The following RINT1 variants were observed in gnomAD, a reference collection of about 807,000 sequenced individuals.
The protein encoded by RINT1 is RAD50 interactor 1.
RINT1 carries 75 observed loss-of-function variants against 97.7 expected under a neutral mutation model. The ratio of observed to expected loss-of-function variants is 0.77; its 90% CI spans 0.64 to 0.93. The LOEUF (loss-of-function observed/expected upper bound fraction) is 0.93. Among genes scored for constraint, RINT1 ranks in the 40% least tolerant of loss-of-function variants. RINT1 has a pLI of 0.00. For synonymous variants in RINT1, 303 were observed against 326.3 expected (o/e 0.93, Z 0.77); for missense variants, 892 against 925.2 (o/e 0.96, Z 0.47).
intron 7 of RINT1, 40 bp from the exon 8 acceptor site, chr7:105,550,015 G>T: frequency 7.9e-7 from 1 of 1,265,512 alleles, no homozygotes; most frequent in African/African-American, 1.5e-5. Flanking sequence ...TTTCTAATTG[G>T]AATGACTTAA....
At chr7:105,557,616 T>C (rs933355174) in intron 11 of RINT1, among the ~76,000 whole-genome samples, 2 of 152,190 alleles carry the variant, frequency 1.3e-5, no homozygotes, top group Admixed American at 1.3e-4. Flanking sequence ...TAATACACTA[T>C]ATAGTACATT....
Position 105,565,259 on chromosome 7 carries a change from AAAAT to A in RINT1, c.1887-17_1887-14del, listed in dbSNP as rs746195338. 6.4e-7 allele frequency: 1 copy of A among 1,557,676 alleles called. No individual in the cohort carries two copies. Among genetic ancestry groups the A allele is most frequent in the Non-Finnish European group, 8.7e-7 (1 of 1,152,864 alleles). On this transcript the variant is annotated splice_polypyrimidine_tract_variant and intron_variant, in intron 12 of 14. Transcript: ENST00000257700. ...AGAAACTGATGAAAATTTTTTGGTA[AAAAT>A]GTGTTTTTTCCAGATGGTTGTCCTT...
intron 6 of RINT1, among the ~76,000 whole-genome samples, chr7:105,548,000 T>C (rs1790750282): frequency 6.6e-6 from 1 of 152,058 alleles, no homozygotes; most frequent in African/African-American, 2.4e-5. Context: ...GTGCTGGGAT[T>C]ACAGGTGAGA....
rs562165920 is a variant in RINT1 at position 105,543,760 on chromosome 7, AT to A, written c.515+1115del. Among the ~76,000 whole-genome samples the A allele has an allele frequency of 1.9e-4, 29 of 152,174 alleles. 1 individual carries two copies. In the South Asian group the frequency reaches 5.8e-3, roughly 30 times the overall value. ...CTTTTTCTTGCATATATTTCCCAAA[AT>A]TTTAAAGAATTTTACATATCAATAT... On this transcript the variant is annotated intron_variant, in intron 4 of 14. Coordinates refer to ENST00000257700, the MANE Select transcript of RINT1 (RefSeq NM_021930.6).
chr7:105,552,328 G>A (rs1562851682), intron 10 of RINT1, among the ~76,000 whole-genome samples: 1 of 152,044 alleles, frequency 6.6e-6, no homozygotes, highest in African/African-American at 2.4e-5. Context: ...AATGGTGATT[G>A]GCCTATATTT....
At chr7:105,554,149 C>G (rs1335512647) in intron 10 of RINT1, among the ~76,000 whole-genome samples, 1 of 151,980 alleles carries the variant, frequency 6.6e-6, no homozygotes, top group African/African-American at 2.4e-5. Context: ...CCACCCGCCT[C>G]AGCCTCCCAA....
intron 9 of RINT1, among the ~76,000 whole-genome samples, chr7:105,551,365 C>T (rs1419960355): frequency 1.3e-5 from 2 of 152,066 alleles, no homozygotes; most frequent in Non-Finnish European, 2.9e-5. Context: ...CTTATCTAGT[C>T]AACATAACTA....
rs753396450 is a variant in RINT1, at chr7:105,563,834, C to G, written c.1773C>G (p.Val591=). The change falls in exon 12 of 15, where the codon GTC becomes GTG. Residue 591 remains valine (V), a synonymous_variant. Transcript: ENST00000257700. ...LGQLASMESS[V]FDDMINLLER... Reference sequence around the variant, plus strand: ...AGCTAGCCTCTATGGAGAGCTCTGTCTTTGATGACATGATTAACCTCTTAG... The same window carrying G: ...AGCTAGCCTCTATGGAGAGCTCTGTGTTTGATGACATGATTAACCTCTTAG... 1 of 1,614,064 alleles carries G rather than the reference C, an allele frequency of 6.2e-7. No individual in the cohort carries two copies. The highest frequency in any genetic ancestry group is 8.5e-7 in the Non-Finnish European group (1 of 1,179,966).
Position 105,565,434 on chromosome 7 carries a change from C to T in RINT1, c.2044C>T (p.Leu682=). 1 of 1,614,078 alleles carries T rather than the reference C, an allele frequency of 6.2e-7. No homozygotes were observed. The highest frequency in any genetic ancestry group is 2.2e-5 in the East Asian group (1 of 44,886). ...KIFWQMLVEK[L]DVYIYQEIIL... ...TTTCTGGCAAATGCTTGTAGAGAAG[C>T]TGGATGTATACATCTACCAAGAAGT... The change falls in exon 13 of 15, where the codon CTG becomes TTG. Residue 682 remains leucine, a synonymous_variant. Coordinates refer to ENST00000257700, the MANE Select transcript of RINT1 (RefSeq NM_021930.6).
At chr7:105,563,082 C>CTGATACGTGTTACAATA (rs527854440) in intron 11 of RINT1, among the ~76,000 whole-genome samples, 1 of 152,040 alleles carries the variant, frequency 6.6e-6, no homozygotes, top group African/African-American at 2.4e-5. Flanking sequence ...AAATGAAGTG[C>CTGATACGTGTTACAATA]TGATACGTGT....
chr7:105,547,402 A>G, intron 6 of RINT1, 69 bp downstream of exon 6: 1 of 1,526,434 alleles, frequency 6.6e-7, no homozygotes, highest in Non-Finnish European at 8.9e-7. Context: ...GCTAGAGAGT[A>G]AAACTTTTTC....
chr7:105,537,342 C>G (rs960527814), intron 3 of RINT1, among the ~76,000 whole-genome samples: 14 of 151,688 alleles, frequency 9.2e-5, no homozygotes, highest in Admixed American at 6.6e-5. Context: ...GTTGGCAAGG[C>G]TGGTCTTGAA....
At chr7:105,543,084 G>T (rs752101249) in intron 4 of RINT1, among the ~76,000 whole-genome samples, 16 of 151,914 alleles carry the variant, frequency 1.1e-4, no homozygotes, top group Non-Finnish European at 1.9e-4. Context: ...TAGAGACGGG[G>T]TTTCACCATG....
At position 105,536,613 on chromosome 7, in the gene RINT1, G is replaced by A. The variant is rs961084109; in HGVS notation, c.137G>A (p.Gly46Asp). ...VLIGSKQVSE[G>D]TDNGDLPSYV... ...ATTGGAAGTAAACAAGTCAGTGAAG[G>A]TACAGATAATGGTGATCTCCCTTCT... is the stretch of plus-strand genomic sequence containing the variant. Residue 46 changes from glycine (G) to aspartate (D), a missense_variant, in exon 3 of 15, where the codon GGT becomes GAT. Gly to Asp is a moderately conservative substitution (Grantham distance 94). Coordinates refer to ENST00000257700, the MANE Select transcript of RINT1 (RefSeq NM_021930.6). 2 of 1,610,702 alleles carry A rather than the reference G, an allele frequency of 1.2e-6. No individual in the cohort carries two copies. The highest frequency in any genetic ancestry group is 1.7e-6 in the Non-Finnish European group (2 of 1,178,434).
intron 3 of RINT1, among the ~76,000 whole-genome samples, chr7:105,538,113 C>G (rs1007903511): frequency 6.6e-6 from 1 of 151,818 alleles, no homozygotes; most frequent in Non-Finnish European, 1.5e-5. Context: ...CTGCCTCAGC[C>G]TCCCGAGTAG....
intron 3 of RINT1, 144 bp downstream of exon 3, chr7:105,536,893 G>A (rs946368137): frequency 2.7e-5 from 11 of 401,582 alleles, no homozygotes; most frequent in Non-Finnish European, 4.4e-5. Flanking sequence ...ATTTAAGAAC[G>A]TACATTGTAT....
intron 6 of RINT1, 25 bp downstream of exon 6, chr7:105,547,358 T>TA (rs778725713): frequency 1.2e-6 from 2 of 1,607,106 alleles, no homozygotes. Flanking sequence ...GCTGAAAACT[T>TA]ACTAAAATTT....
chr7:105,548,556 A>G lies in RINT1; in HGVS notation c.842A>G (p.Asp281Gly). 1 of 1,614,016 alleles carries G rather than the reference A, an allele frequency of 6.2e-7. No individual in the cohort carries two copies. The highest frequency in any genetic ancestry group is 8.5e-7 in the Non-Finnish European group (1 of 1,179,952). Residue 281 changes from aspartate (D) to glycine (G), a missense_variant and splice_region_variant, in exon 7 of 15, where the codon GAT (aspartate) becomes GGT (glycine). By Grantham distance (94) the Asp-to-Gly change is moderately conservative (BLOSUM62 -1). Coordinates refer to ENST00000257700, the MANE Select transcript of RINT1 (RefSeq NM_021930.6). Reference sequence around the variant, plus strand: ...TTTCCTTGACTTGATTATGTCAGAGATGAATTACTTACTGAGCCAAAGCAA... The same window carrying G: ...TTTCCTTGACTTGATTATGTCAGAGGTGAATTACTTACTGAGCCAAAGCAA... ...FCQLLKLQTS[D>G]ELLTEPKQLP...
chr7:105,550,412 G>A lies in RINT1; in HGVS notation c.1259G>A (p.Gly420Asp), dbSNP rs2133402327. Residue 420 changes from glycine to aspartate, a missense_variant, in exon 9 of 15, where the codon GGC becomes GAC. Coordinates refer to ENST00000257700, the MANE Select transcript of RINT1 (RefSeq NM_021930.6). ...CTACACAGTGTTCATGGCTATCCTG[G>A]CACTTTTGCTAGTTGTATGCATATT... Reference protein sequence around the residue: ...RELHSVHGYPGTFASCMHILS... With the variant: ...RELHSVHGYPDTFASCMHILS... 2 of 1,614,114 alleles carry A rather than the reference G, an allele frequency of 1.2e-6. No homozygotes were observed. Among genetic ancestry groups the A allele is most frequent in the African/African-American group, 1.3e-5 (1 of 75,030 alleles).
Sources: gnomAD v4.1 joint callset for allele counts (sites outside exome capture counted in the v4.1 genomes callset) on GRCh38, gnomAD v4.1.1 for gene constraint, MANE v1.5 for transcripts, NCBI Gene and HGNC (gene_info 2026-07-23, HGNC 2026-07-21) for gene names.